Variants in BCKDHB observed in about 807,000 individuals in gnomAD.
The protein encoded by BCKDHB is 2-oxoisovalerate dehydrogenase subunit beta, mitochondrial.
In BCKDHB, 41 loss-of-function variants were observed where a neutral mutation model predicts 48.5. The ratio of observed to expected loss-of-function variants is 0.85; its 90% confidence interval spans 0.66 to 1.10. BCKDHB has a LOEUF of 1.10. BCKDHB is among the 50% of genes least tolerant of loss of function. The pLI is 0.00. For missense variants in BCKDHB, 496 were observed against 494.2 expected (o/e 1.00, Z -0.03); for synonymous variants, 201 against 174.8 (o/e 1.15, Z -1.18).
At chr6:80,221,972 T>G (rs1168726803) in intron 8 of BCKDHB, among the ~76,000 whole-genome samples, 1 of 152,206 alleles carries the variant, frequency 6.6e-6, no homozygotes, top group Non-Finnish European at 1.5e-5. Flanking sequence ...CGTTTTATTT[T>G]ATTTTAGATT....
At chr6:80,389,447 T>G in the BCKDHB span, among the ~76,000 whole-genome samples, 13 of 152,212 alleles carry the variant, frequency 8.5e-5, no homozygotes, top group Admixed American at 7.9e-4. Context: ...TTGTCCGTAA[T>G]GGAAAGGGCA....
intron 8 of BCKDHB, among the ~76,000 whole-genome samples, chr6:80,217,435 C>G (rs974830110): frequency 6.6e-6 from 1 of 152,030 alleles, no homozygotes; most frequent in Admixed American, 6.6e-5. Flanking sequence ...TATTTCACAT[C>G]TCAAGTTTAT....
intron 8 of BCKDHB, among the ~76,000 whole-genome samples, chr6:80,208,250 A>T (rs930748324): frequency 2.6e-5 from 4 of 151,814 alleles, no homozygotes; most frequent in Non-Finnish European, 5.9e-5. Flanking sequence ...TACAGAAGAA[A>T]CTCAAAAATT....
intron 9 of BCKDHB, among the ~76,000 whole-genome samples, chr6:80,301,004 A>C (rs1018718479): frequency 6.6e-6 from 1 of 152,160 alleles, no homozygotes; most frequent in African/African-American, 2.4e-5. Context: ...ATAGGGACAC[A>C]ATTTACCAAA....
At chr6:80,207,742 A>G (rs895102615) in intron 8 of BCKDHB, among the ~76,000 whole-genome samples, 24 of 151,910 alleles carry the variant, frequency 1.6e-4, no homozygotes, top group African/African-American at 5.5e-4. Flanking sequence ...AAAAAGGACT[A>G]CTAGAAGTGA....
intron 3 of BCKDHB, among the ~76,000 whole-genome samples, chr6:80,147,307 G>A (rs1771536506): frequency 6.6e-6 from 1 of 152,124 alleles, no homozygotes; most frequent in Admixed American, 6.6e-5. Flanking sequence ...GAAACTGATT[G>A]CTAATTAATG....
chr6:80,413,720 T>C, the BCKDHB span, among the ~76,000 whole-genome samples: 1 of 152,252 alleles, frequency 6.6e-6, no homozygotes, highest in African/African-American at 2.4e-5. Context: ...TTAGATTGAT[T>C]CCATATCTTT....
At chr6:80,138,386 G>A (rs922903437) in intron 3 of BCKDHB, among the ~76,000 whole-genome samples, 27 of 151,850 alleles carry the variant, frequency 1.8e-4, no homozygotes, top group African/African-American at 6.1e-4. Context: ...CTGGTACACT[G>A]CACCCACTAA....
the BCKDHB span, among the ~76,000 whole-genome samples, chr6:80,440,496 A>T: frequency 6.6e-6 from 1 of 152,144 alleles, no homozygotes; most frequent in African/African-American, 2.4e-5. Flanking sequence ...GAAGTTGTTC[A>T]TACCTCAATC....
intron 9 of BCKDHB, among the ~76,000 whole-genome samples, chr6:80,315,298 G>C (rs1019476639): frequency 6.6e-6 from 1 of 152,150 alleles, no homozygotes; most frequent in African/African-American, 2.4e-5. Flanking sequence ...CTCATGAGGG[G>C]ATCTCCAGAT....
chr6:80,169,438 A>G (rs373076903), intron 5 of BCKDHB, among the ~76,000 whole-genome samples: 2 of 152,184 alleles, frequency 1.3e-5, no homozygotes, highest in African/African-American at 4.8e-5. Flanking sequence ...TCACAGGGAT[A>G]ACACTTTTGC....
intron 6 of BCKDHB, among the ~76,000 whole-genome samples, chr6:80,185,034 T>C (rs975429427): frequency 5.3e-5 from 8 of 152,326 alleles, no homozygotes; most frequent in Non-Finnish European, 1.2e-4. Flanking sequence ...ATAAGTTTTC[T>C]GAACTTTCAG....
intron 3 of BCKDHB, among the ~76,000 whole-genome samples, chr6:80,146,494 A>G (rs1167213108): frequency 1.3e-5 from 2 of 152,150 alleles, no homozygotes; most frequent in African/African-American, 4.8e-5. Flanking sequence ...CCCCACTAAA[A>G]TATCAAGGGA....
chr6:80,431,163 G>A, the BCKDHB span, among the ~76,000 whole-genome samples: 2 of 152,170 alleles, frequency 1.3e-5, no homozygotes, highest in South Asian at 2.1e-4. Flanking sequence ...GTTCTAATTT[G>A]ATTGCACTGT....
At chr6:80,274,408 TTA>T (rs1380686939) in intron 9 of BCKDHB, among the ~76,000 whole-genome samples, 8 of 152,030 alleles carry the variant, frequency 5.3e-5, no homozygotes, top group African/African-American at 1.9e-4. Context: ...CTGATTATTA[TTA>T]TATAACATGA....
the BCKDHB span, among the ~76,000 whole-genome samples, chr6:80,459,526 A>G: frequency 2.1e-4 from 32 of 152,194 alleles, no homozygotes; most frequent in Admixed American, 1.3e-4. Flanking sequence ...AGCTTCAGGC[A>G]AGCAAGATGA....
At chr6:80,439,844 C>T in the BCKDHB span, among the ~76,000 whole-genome samples, 2 of 152,128 alleles carry the variant, frequency 1.3e-5, no homozygotes. Flanking sequence ...AGAAGACATG[C>T]CTAACTCCTG....
chr6:80,160,755 A>G (rs981204419), intron 3 of BCKDHB, among the ~76,000 whole-genome samples: 1 of 152,244 alleles, frequency 6.6e-6, no homozygotes, highest in South Asian at 2.1e-4. Flanking sequence ...TCAACAAGTG[A>G]GAAATTGATA....
chr6:80,106,956 A>AG lies in BCKDHB; in HGVS notation c.196+71dup. The AG allele has an allele frequency of 1.9e-6, 3 of 1,539,778 alleles. No individual in the cohort carries two copies. The South Asian group carries it at 3.6e-5, about 18-fold the overall frequency. The stretch of plus-strand genomic sequence containing the variant: ...ACTCCCAGGCTCGCAGGCGCCCGCG[A>AG]GGGGCAGGGGCCGGCAGGCTGCAAT... On this transcript the variant is annotated intron_variant, in intron 1 of 9. Transcript: ENST00000320393.
Sources: allele counts gnomAD v4.1 joint callset (sites outside exome capture counted in the v4.1 genomes callset), GRCh38; gene constraint gnomAD v4.1.1; transcripts MANE v1.5; gene names NCBI Gene and HGNC (gene_info 2026-07-23, HGNC 2026-07-21).